NOC2L: variants seen among roughly 807,000 people sequenced by gnomAD.
The protein encoded by NOC2L is nucleolar complex protein 2 homolog.
NOC2L carries 101 observed loss-of-function variants against 94.2 expected under a neutral mutation model. The ratio of observed to expected loss-of-function variants is 1.07; its 90% CI spans 0.91 to 1.26. NOC2L has a LOEUF of 1.26. NOC2L is among the 50% of genes most tolerant of loss of function. NOC2L has a pLI of 0.00. For synonymous variants in NOC2L, 531 were observed against 413.4 expected (o/e 1.28, Z -3.45); for missense variants, 1,076 against 980.1 (o/e 1.10, Z -1.31).
intron 1 of NOC2L, 25 bp from the exon 2 acceptor site, chr1:959,106 C>A: frequency 1.2e-6 from 2 of 1,610,016 alleles, no homozygotes; most frequent in Non-Finnish European, 8.5e-7. Flanking sequence ...GGAGTCACAG[C>A]TGCCCGCACG....
intron 14 of NOC2L, chr1:946,806 C>A: frequency 2.6e-6 from 1 of 378,078 alleles, no homozygotes; most frequent in South Asian, 3.1e-5. Context: ...GCCTGTAATC[C>A]CAGCACTTTG....
chr1:950,602 C>T (rs556031862), intron 12 of NOC2L, among the ~76,000 whole-genome samples: 1 of 152,318 alleles, frequency 6.6e-6, no homozygotes, highest in Admixed American at 6.5e-5. Context: ...TGCAGGCACA[C>T]AGGCATTCAT....
At position 958,799 on chromosome 1, in the gene NOC2L, G is replaced by A. The variant is rs765167381; in HGVS notation, c.179+130C>T. Reference sequence around the variant, plus strand: ...AACATCGGATGAAAGAGTAAGTTAAGCTGAAAGGACTGGGGGGCAGAGGTC... The same window carrying A: ...AACATCGGATGAAAGAGTAAGTTAAACTGAAAGGACTGGGGGGCAGAGGTC... On this transcript the variant is annotated intron_variant, in intron 2 of 18. Transcript: ENST00000327044. The A allele has an allele frequency of 8.9e-6, 8 of 902,498 alleles. No individual in the cohort carries two copies. In the Admixed American group the frequency reaches 9.3e-5, roughly 11 times the overall value. 55.9% of individuals were successfully genotyped at this position (902,498 alleles called of 1,614,324 possible).
intron 3 of NOC2L, 33 bp downstream of exon 3, chr1:957,066 G>A: frequency 1.2e-6 from 2 of 1,614,000 alleles, no homozygotes; most frequent in Non-Finnish European, 1.7e-6. Flanking sequence ...GTAGAGACAA[G>A]TGCCCCCCTT....
chr1:944,793 GTCTCCATC>G lies in NOC2L; in HGVS notation c.2144-1_2150del. The G allele has an allele frequency of 6.3e-7, 1 of 1,584,770 alleles. No homozygotes were observed. Among genetic ancestry groups the G allele is most frequent in the Non-Finnish European group, 8.6e-7 (1 of 1,168,690 alleles). On this transcript the variant is annotated splice_acceptor_variant and coding_sequence_variant, in exon 19 of 19. Coordinates refer to ENST00000327044, the MANE Select transcript of NOC2L (RefSeq NM_015658.4). LOFTEE classifies it high-confidence loss of function. ...GGGCCAGCCCCGCCTCTGCGTCTGG[GTCTCCATC>G]TGCGGGGAGAGATGGAGGCTACATA...
At chr1:957,312 A>T in intron 2 of NOC2L, 39 bp from the exon 3 acceptor site, 1 of 1,605,082 alleles carries the variant, frequency 6.2e-7, no homozygotes, top group Admixed American at 1.7e-5. Context: ...TGGGAAGTGG[A>T]AGTAGAGGGG....
rs1402022540 is a variant in NOC2L at position 956,986 on chromosome 1, C to T, written c.394G>A (p.Asp132Asn). 6.2e-7 allele frequency: 1 copy of T among 1,613,982 alleles called. No individual in the cohort carries two copies. Among genetic ancestry groups the T allele is most frequent in the Non-Finnish European group, 8.5e-7 (1 of 1,180,030 alleles). ...AGCCCTCTGGGGACTCTGTCCCCAT[C>T]TTCTCCTTCCTCCGCTCCATCCTCC... ...EEEDGAEEGE[D>N]GDRVPRGLKG... The change falls in exon 4 of 19, where the codon GAT (aspartate) becomes AAT (asparagine). Residue 132 changes from aspartate to asparagine, a missense_variant. By Grantham distance (23) the Asp-to-Asn change is conservative. Coordinates refer to ENST00000327044, the MANE Select transcript of NOC2L (RefSeq NM_015658.4).
At chr1:950,575 G>A (rs535636873) in intron 12 of NOC2L, among the ~76,000 whole-genome samples, 13 of 152,108 alleles carry the variant, frequency 8.5e-5, no homozygotes, top group South Asian at 8.3e-4. Context: ...GTGTACACAC[G>A]CACAGATGCA....
rs370843542 is a variant in NOC2L, at chr1:946,549, C to A, written c.1660-4G>T. 3.7e-6 allele frequency: 6 copies of A among 1,610,344 alleles called. No homozygotes were observed. Among genetic ancestry groups the A allele is most frequent in the Middle Eastern group, 1.7e-4 (1 of 6,050 alleles). Reference sequence around the variant, plus strand: ...ACTCCCGGAGGAACGACTTCAGCTGCGGAAGGGAGGGGTCAGCCACTGAAG... The same window carrying A: ...ACTCCCGGAGGAACGACTTCAGCTGAGGAAGGGAGGGGTCAGCCACTGAAG... On this transcript the variant is annotated splice_polypyrimidine_tract_variant and splice_region_variant and intron_variant, in intron 14 of 18. Coordinates refer to ENST00000327044, the MANE Select transcript of NOC2L (RefSeq NM_015658.4).
At chr1:954,171 T>G in intron 6 of NOC2L, 89 bp from the exon 7 acceptor site, 2 of 1,272,684 alleles carry the variant, frequency 1.6e-6, no homozygotes, top group Middle Eastern at 1.9e-4. Flanking sequence ...CTGGCCAGCA[T>G]AGCCTCTACG....
At chr1:956,778 G>C in intron 4 of NOC2L, 116 bp downstream of exon 4, 1 of 1,484,216 alleles carries the variant, frequency 6.7e-7, no homozygotes, top group Non-Finnish European at 9.2e-7. Flanking sequence ...GGTGAGGCAA[G>C]GCCAGATCTC....
chr1:948,412 G>A, intron 13 of NOC2L, 78 bp downstream of exon 13: 1 of 1,177,364 alleles, frequency 8.5e-7, no homozygotes, highest in South Asian at 1.2e-5. Flanking sequence ...GAGGATGCCA[G>A]CCCCCTCCCA....
rs1264018758 is a variant in NOC2L, at chr1:946,296, TGGG to T, written c.1804-13_1804-11del. 6.2e-7 allele frequency: 1 copy of T among 1,612,486 alleles called. No individual in the cohort carries two copies. ...GCTTCTCCCAGGCTTCCTGGGGGGT[TGGG>T]GGAGTTCAGGGTCATGCCTCACCCT... On this transcript the variant is annotated splice_polypyrimidine_tract_variant and intron_variant, in intron 15 of 18. Transcript: ENST00000327044.
At chr1:951,027 C>G in intron 12 of NOC2L, 100 bp downstream of exon 12, 1 of 911,322 alleles carries the variant, frequency 1.1e-6, no homozygotes. Flanking sequence ...GGCCAGGGCT[C>G]CGGGAAGTCG....
In NOC2L at chr1:953,259, T is replaced by C. The variant is rs3748596; in HGVS notation, c.918A>G (p.Glu306=). Residue 306 remains glutamate, a synonymous_variant, in exon 9 of 19, where the codon GAA becomes GAG. Transcript: ENST00000327044. Reference sequence around the variant, plus strand: ...GGAAAGCCAGCACCCGCAGAGACTCTTCCCCAGTGCTCCATACGATCACCA... The same window carrying C: ...GGAAAGCCAGCACCCGCAGAGACTCCTCCCCAGTGCTCCATACGATCACCA... ...KRMVIVWSTG[E]ESLRVLAFLV... 1,513,870 of 1,606,308 alleles carry C rather than the reference T, an allele frequency of 0.94. 713,590 individuals are homozygous for C. The highest frequency in any genetic ancestry group is 0.95 in the Admixed American group (56,795 of 60,014).
chr1:953,520 A>G (rs554724863), intron 8 of NOC2L, among the ~76,000 whole-genome samples: 49 of 152,380 alleles, frequency 3.2e-4, no homozygotes, highest in Middle Eastern at 3.4e-3. Context: ...ACGCCGACGT[A>G]TGTGAGATCA....
At chr1:951,323 A>G (rs1021144844) in intron 11 of NOC2L, 85 bp from the exon 12 acceptor site, 20 of 1,015,340 alleles carry the variant, frequency 2.0e-5, no homozygotes, top group Non-Finnish European at 3.0e-5. Flanking sequence ...CTCCTCCCCC[A>G]CTCACCGACA....
chr1:953,436 C>A, intron 8 of NOC2L, 148 bp from the exon 9 acceptor site: 1 of 629,690 alleles, frequency 1.6e-6, no homozygotes, highest in Non-Finnish European at 2.9e-6. Flanking sequence ...GTTAGGTGCT[C>A]AGTTACAGAA....
chr1:946,679 C>T, intron 14 of NOC2L, 134 bp from the exon 15 acceptor site: 1 of 1,079,302 alleles, frequency 9.3e-7, no homozygotes, highest in South Asian at 1.5e-5. Context: ...TCTCAGGGCT[C>T]AAGTGCATAG....
Sources: allele counts gnomAD v4.1 joint callset (sites outside exome capture counted in the v4.1 genomes callset), GRCh38; gene constraint gnomAD v4.1.1; transcripts MANE v1.5; gene names NCBI Gene and HGNC (gene_info 2026-07-23, HGNC 2026-07-21).